Variants in AGBL4 observed in about 807,000 individuals in gnomAD.
The protein encoded by AGBL4 is cytosolic carboxypeptidase 6.
A neutral mutation model predicts 66.4 loss-of-function variants in AGBL4; 58 were observed. The ratio of observed to expected loss-of-function variants is 0.87; its 90% confidence interval spans 0.71 to 1.09. The LOEUF (loss-of-function observed/expected upper bound fraction) is 1.09, where lower values mean the gene tolerates loss of function less well. Among genes scored for constraint, AGBL4 ranks in the 50% least tolerant of loss-of-function variants. AGBL4 has a pLI of 0.00. For missense variants in AGBL4, 579 were observed against 631.0 expected, an observed-to-expected ratio of 0.92 and a Z score of 0.88; for synonymous variants, 234 against 222.9, an observed-to-expected ratio of 1.05 and a Z score of -0.44.
chr1:48,956,813 C>T (rs1001363793), intron 5 of AGBL4, among the ~76,000 whole-genome samples: 1 of 152,096 alleles, frequency 6.6e-6, no homozygotes, highest in Non-Finnish European at 1.5e-5. Context: ...GTGATAAGTT[C>T]AACAGTGTGA....
chr1:49,363,201 G>A (rs1287230440), intron 3 of AGBL4, among the ~76,000 whole-genome samples: 1 of 152,092 alleles, frequency 6.6e-6, no homozygotes, highest in African/African-American at 2.4e-5. Context: ...ATAGGTTTGA[G>A]GAAAAGAAAA....
At chr1:48,640,072 T>C (rs1398464721) in intron 8 of AGBL4, among the ~76,000 whole-genome samples, 1 of 152,162 alleles carries the variant, frequency 6.6e-6, no homozygotes, top group Non-Finnish European at 1.5e-5. Flanking sequence ...ATTCTATTAT[T>C]TGTTTTTAAG....
chr1:48,852,188 T>C (rs1038268848), intron 6 of AGBL4, among the ~76,000 whole-genome samples: 4 of 152,184 alleles, frequency 2.6e-5, no homozygotes, highest in Non-Finnish European at 5.9e-5. Context: ...GATCTAAGAT[T>C]TGAACCCTGG....
intron 6 of AGBL4, among the ~76,000 whole-genome samples, chr1:48,786,285 G>T (rs12118243): frequency 6.6e-6 from 1 of 152,088 alleles, no homozygotes; most frequent in Middle Eastern, 3.4e-3. Context: ...ATCCCATAAA[G>T]TCAGTATTAT....
intron 5 of AGBL4, among the ~76,000 whole-genome samples, chr1:49,000,348 A>C (rs530367033): frequency 2.0e-5 from 3 of 152,248 alleles, no homozygotes; most frequent in East Asian, 3.9e-4. Context: ...ATGACTGCAC[A>C]TGTCACTCCA....
chr1:49,167,651 A>C (rs1451114448), intron 4 of AGBL4, among the ~76,000 whole-genome samples: 19 of 152,348 alleles, frequency 1.2e-4, no homozygotes, highest in Admixed American at 1.2e-3. Flanking sequence ...CAAAGGTAGA[A>C]AATAAATCAT....
chr1:49,407,282 A>T (rs1377421576), intron 3 of AGBL4, among the ~76,000 whole-genome samples: 2 of 152,144 alleles, frequency 1.3e-5, no homozygotes, highest in Non-Finnish European at 2.9e-5. Context: ...AAGCAAAAAC[A>T]AAAACATCAA....
chr1:49,465,150 T>C (rs753315408), intron 3 of AGBL4, among the ~76,000 whole-genome samples: 3 of 150,580 alleles, frequency 2.0e-5, no homozygotes, highest in African/African-American at 7.3e-5. Context: ...TATTCTGTCA[T>C]TTCATGTAGG....
intron 3 of AGBL4, among the ~76,000 whole-genome samples, chr1:49,692,337 T>G (rs894695362): frequency 2.0e-5 from 3 of 152,120 alleles, no homozygotes; most frequent in African/African-American, 7.2e-5. Context: ...CTAATTCCAC[T>G]GTGATATGCT....
intron 4 of AGBL4, among the ~76,000 whole-genome samples, chr1:49,234,764 C>T (rs979387800): frequency 6.6e-6 from 1 of 152,146 alleles, no homozygotes; most frequent in Admixed American, 6.5e-5. Context: ...ACTTCTACAT[C>T]TCAGGAAAGC....
At chr1:49,310,202 A>G (rs1190874343) in intron 3 of AGBL4, among the ~76,000 whole-genome samples, 1 of 152,136 alleles carries the variant, frequency 6.6e-6, no homozygotes, top group African/African-American at 2.4e-5. Flanking sequence ...AATGTGCCAG[A>G]TTAAGTAGTG....
chr1:49,892,303 G>A (rs1273110818), intron 1 of AGBL4, among the ~76,000 whole-genome samples: 1 of 152,058 alleles, frequency 6.6e-6, no homozygotes. Context: ...ACTTGTTAAA[G>A]CTAAGGGAAA....
At chr1:49,267,510 C>T (rs1643949374) in intron 3 of AGBL4, among the ~76,000 whole-genome samples, 1 of 152,032 alleles carries the variant, frequency 6.6e-6, no homozygotes, top group African/African-American at 2.4e-5. Context: ...GAAACCCTGT[C>T]TCTATTAAAA....
intron 3 of AGBL4, among the ~76,000 whole-genome samples, chr1:49,483,822 G>A (rs938169156): frequency 2.6e-5 from 4 of 151,668 alleles, no homozygotes; most frequent in African/African-American, 9.7e-5. Flanking sequence ...ACAACCCATA[G>A]AATGGCAGAA....
chr1:49,947,494 C>A (rs188406532), intron 1 of AGBL4, among the ~76,000 whole-genome samples: 2 of 151,792 alleles, frequency 1.3e-5, no homozygotes, highest in Non-Finnish European at 2.9e-5. Context: ...ATCCAGCATC[C>A]CTTTATGATT....
At chr1:49,563,088 A>C (rs1644094129) in intron 3 of AGBL4, among the ~76,000 whole-genome samples, 1 of 151,984 alleles carries the variant, frequency 6.6e-6, no homozygotes. Context: ...ATGGGAGTTC[A>C]CTCATGATTT....
chr1:50,023,867 TG>T lies in AGBL4; in HGVS notation c.-72del, dbSNP rs1662637421. On this transcript the variant is annotated 5_prime_UTR_variant, in exon 1 of 14. Coordinates refer to ENST00000371839, the MANE Select transcript of AGBL4 (RefSeq NM_032785.4). ...AGTAGGGAGCGGGTGGTGGGATCAG[TG>T]GGCTGACAGGAGCTACCTCAGGAAG... is the stretch of plus-strand genomic sequence containing the variant. The T allele has an allele frequency of 1.0e-5, 15 of 1,503,092 alleles. No homozygotes were observed. The South Asian group carries it at 1.8e-4, about 18-fold the overall frequency. The allele number at this position is 1,503,092 out of a possible 1,614,324, so 93.1% of individuals were successfully genotyped here.
At chr1:48,997,025 C>T (rs951775889) in intron 5 of AGBL4, among the ~76,000 whole-genome samples, 1 of 152,100 alleles carries the variant, frequency 6.6e-6, no homozygotes, top group Admixed American at 6.6e-5. Context: ...GGGGTTCAAG[C>T]AATTCTCTTG....
chr1:50,020,886 T>C (rs1662395891), intron 1 of AGBL4, among the ~76,000 whole-genome samples: 1 of 152,210 alleles, frequency 6.6e-6, no homozygotes, highest in Non-Finnish European at 1.5e-5. Context: ...ATGGCCATAT[T>C]TTGTATCAGG....
Sources: gnomAD v4.1 joint callset for allele counts (sites outside exome capture counted in the v4.1 genomes callset) on GRCh38, gnomAD v4.1.1 for gene constraint, MANE v1.5 for transcripts, NCBI Gene and HGNC (gene_info 2026-07-23, HGNC 2026-07-21) for gene names.